The following PLXNA4 variants were observed in gnomAD, a reference collection of about 807,000 sequenced individuals.
PLXNA4 encodes plexin-A4.
PLXNA4 carries 44 observed loss-of-function variants against 191.8 expected under a neutral mutation model. The ratio of observed to expected loss-of-function variants is 0.23; its 90% CI spans 0.18 to 0.29. PLXNA4 has a LOEUF of 0.29. Among genes scored for constraint, PLXNA4 ranks in the 10% least tolerant of loss-of-function variants. The pLI is 1.00. For synonymous variants in PLXNA4, 1,082 were observed against 1,009.5 expected, an observed-to-expected ratio of 1.07 and a Z score of -1.36; for missense variants, 1,800 against 2,488.8, an observed-to-expected ratio of 0.72 and a Z score of 5.89.
At chr7:132,533,573 T>C (rs1799710562) in intron 1 of PLXNA4, among the ~76,000 whole-genome samples, 1 of 152,350 alleles carries the variant, frequency 6.6e-6, no homozygotes, top group Admixed American at 6.5e-5. Context: ...AAGAAAACCA[T>C]TTTTCTCTAT....
chr7:132,589,187 T>G (rs1462288396), intron 2 of PLXNA4, among the ~76,000 whole-genome samples: 5 of 152,104 alleles, frequency 3.3e-5, no homozygotes, highest in African/African-American at 1.2e-4. Context: ...TTCAGGTGAG[T>G]AGGGGACAAA....
At chr7:132,575,446 C>T (rs888820211) in intron 1 of PLXNA4, among the ~76,000 whole-genome samples, 1 of 152,174 alleles carries the variant, frequency 6.6e-6, no homozygotes, top group East Asian at 1.9e-4. Flanking sequence ...GGAGCCTCCT[C>T]TTTTGGAGGA....
At chr7:132,186,184 C>A (rs548169176) in intron 15 of PLXNA4, among the ~76,000 whole-genome samples, 2 of 152,268 alleles carry the variant, frequency 1.3e-5, no homozygotes, top group Admixed American at 6.5e-5. Context: ...CTGAATGCAC[C>A]TCCTGCCTTG....
chr7:132,241,452 T>A (rs1004696879), intron 4 of PLXNA4, among the ~76,000 whole-genome samples: 1 of 152,206 alleles, frequency 6.6e-6, no homozygotes, highest in Non-Finnish European at 1.5e-5. Context: ...TTACACAGTG[T>A]TCATTTCAAG....
At chr7:132,472,552 C>T (rs1796968736) in intron 3 of PLXNA4, among the ~76,000 whole-genome samples, 1 of 152,184 alleles carries the variant, frequency 6.6e-6, no homozygotes, top group Non-Finnish European at 1.5e-5. Context: ...GGAGCCAGGG[C>T]AGTGCACGGG....
chr7:132,601,229 A>G (rs1054811408), intron 2 of PLXNA4, among the ~76,000 whole-genome samples: 2 of 152,158 alleles, frequency 1.3e-5, no homozygotes, highest in African/African-American at 2.4e-5. Flanking sequence ...AAAAAAATAC[A>G]TATCTATTTA....
intron 2 of PLXNA4, among the ~76,000 whole-genome samples, chr7:132,597,623 T>C (rs1470439643): frequency 6.6e-6 from 1 of 152,144 alleles, no homozygotes; most frequent in Non-Finnish European, 1.5e-5. Flanking sequence ...ATTTATTTAT[T>C]CCCTTTATTT....
intron 9 of PLXNA4, among the ~76,000 whole-genome samples, chr7:132,213,524 C>A (rs1003995774): frequency 6.6e-6 from 1 of 151,280 alleles, no homozygotes. Context: ...ACGCCAGTAG[C>A]CACTTGGGGA....
intron 3 of PLXNA4, among the ~76,000 whole-genome samples, chr7:132,373,306 C>T (rs1307970418): frequency 6.6e-6 from 1 of 152,100 alleles, no homozygotes; most frequent in Non-Finnish European, 1.5e-5. Flanking sequence ...CTCAGTCTTG[C>T]AATGTTCTCT....
At chr7:132,194,208 G>C in intron 13 of PLXNA4, 29 bp from the exon 14 acceptor site, 1 of 1,597,374 alleles carries the variant, frequency 6.3e-7, no homozygotes, top group Non-Finnish European at 8.6e-7. Context: ...AAATCCCATG[G>C]GTCACAGGAC....
chr7:132,339,032 T>A (rs185416635), intron 3 of PLXNA4, among the ~76,000 whole-genome samples: 86 of 152,210 alleles, frequency 5.7e-4, no homozygotes, highest in Non-Finnish European at 9.3e-4. Context: ...CATGGACCCA[T>A]CCAAGATGAG....
intron 3 of PLXNA4, among the ~76,000 whole-genome samples, chr7:132,334,859 C>G (rs1267175016): frequency 6.6e-6 from 1 of 152,188 alleles, no homozygotes; most frequent in Non-Finnish European, 1.5e-5. Context: ...AAGACTCTCC[C>G]CAGGGTCTAA....
At chr7:132,332,412 A>G (rs1337823608) in intron 3 of PLXNA4, among the ~76,000 whole-genome samples, 1 of 152,142 alleles carries the variant, frequency 6.6e-6, no homozygotes, top group Non-Finnish European at 1.5e-5. Context: ...GGTCTTGTTT[A>G]ACTTGAGCCT....
intron 2 of PLXNA4, among the ~76,000 whole-genome samples, chr7:132,586,890 A>G (rs1802515269): frequency 6.6e-6 from 1 of 152,236 alleles, no homozygotes; most frequent in Non-Finnish European, 1.5e-5. Context: ...TGATTGCACC[A>G]CAGCACTCCA....
chr7:132,557,299 C>A (rs1223174177), intron 1 of PLXNA4, among the ~76,000 whole-genome samples: 1 of 152,280 alleles, frequency 6.6e-6, no homozygotes. Flanking sequence ...CCCTCTATCA[C>A]GTGCTACTGA....
chr7:132,569,574 T>C (rs1297338355), intron 1 of PLXNA4, among the ~76,000 whole-genome samples: 1 of 152,280 alleles, frequency 6.6e-6, no homozygotes, highest in Non-Finnish European at 1.5e-5. Context: ...CGATCTAGAC[T>C]AACCTCCTCA....
intron 29 of PLXNA4, among the ~76,000 whole-genome samples, chr7:132,143,000 A>T (rs566664513): frequency 2.1e-4 from 32 of 152,030 alleles, no homozygotes; most frequent in Admixed American, 8.5e-4. Context: ...ATATTAGCAT[A>T]TTATTAACAT....
intron 25 of PLXNA4, among the ~76,000 whole-genome samples, chr7:132,156,160 ACACACACACACACACACACACAGACG>A (rs1256404529): frequency 5.9e-5 from 9 of 151,402 alleles, no homozygotes; most frequent in Non-Finnish European, 1.3e-4. Flanking sequence ...ACACACACAC[ACACACACACACACACACACACAGACG>A]CACACACGCA....
intron 3 of PLXNA4, among the ~76,000 whole-genome samples, chr7:132,425,031 C>A (rs529027878): frequency 6.6e-6 from 1 of 152,172 alleles, no homozygotes; most frequent in African/African-American, 2.4e-5. Context: ...CACTGTGCCA[C>A]GTCCCCTTGG....
Sources: allele counts gnomAD v4.1 joint callset (sites outside exome capture counted in the v4.1 genomes callset), GRCh38; gene constraint gnomAD v4.1.1; transcripts MANE v1.5; gene names NCBI Gene and HGNC (gene_info 2026-07-23, HGNC 2026-07-21).